Variants in SORCS3 observed in about 807,000 individuals in gnomAD.
SORCS3 encodes the protein sortilin related VPS10 domain containing receptor 3.
A neutral mutation model predicts 146.3 loss-of-function variants in SORCS3; 57 were observed. That is an observed-to-expected ratio of 0.39 (90% CI 0.31 to 0.49). The LOEUF is 0.49. Ranked by LOEUF, SORCS3 falls within the 20% of genes least tolerant of loss-of-function variation. The probability of loss-of-function intolerance (pLI) is 0.92; values close to 1 mark genes in which losing one functional copy is unlikely to be tolerated. For missense variants in SORCS3, 1,341 were observed against 1,575.5 expected, an observed-to-expected ratio of 0.85 and a Z score of 2.52; for synonymous variants, 653 against 618.5, an observed-to-expected ratio of 1.06 and a Z score of -0.83.
intron 2 of SORCS3, among the ~76,000 whole-genome samples, chr10:104,890,749 C>G (rs1052655597): frequency 1.3e-5 from 2 of 152,132 alleles, no homozygotes; most frequent in African/African-American, 4.8e-5. Context: ...TAGGGGATTT[C>G]CTGTGCATCA....
chr10:104,642,985 C>G lies in SORCS3; in HGVS notation c.627+1031C>G, dbSNP rs374183750. ...CCCCCTACCTCGCCGGCACCCAGCGCTGTGCAGCCAAGCAAAGAAAAGGCG... is the reference window on the plus strand; with the variant it reads ...CCCCCTACCTCGCCGGCACCCAGCGGTGTGCAGCCAAGCAAAGAAAAGGCG... On this transcript the variant is annotated intron_variant, in intron 1 of 26. Coordinates refer to ENST00000369701, the MANE Select transcript of SORCS3 (RefSeq NM_014978.3). Among the ~76,000 whole-genome samples the G allele has an allele frequency of 1.9e-3, 286 of 152,380 alleles. 7 individuals carry two copies. In the South Asian group the frequency reaches 0.058, roughly 31 times the overall value.
rs192926954 is a variant in SORCS3, at chr10:104,950,079, G to A, written c.796-27256G>A. ...TAGAAGTCAGGACAATAAGAGATAA[G>A]ATGAGGTTGTGCAAAAAGAAACAGC... On this transcript the variant is annotated intron_variant, in intron 3 of 26. Coordinates refer to ENST00000369701, the MANE Select transcript of SORCS3 (RefSeq NM_014978.3). Among the ~76,000 whole-genome samples the A allele has an allele frequency of 3.9e-5, 6 of 152,340 alleles. No individual in the cohort carries two copies. The East Asian group carries it at 1.2e-3, about 29-fold the overall frequency.
At chr10:105,136,616 T>G (rs2056060573) in intron 7 of SORCS3, among the ~76,000 whole-genome samples, 1 of 152,156 alleles carries the variant, frequency 6.6e-6, no homozygotes, top group African/African-American at 2.4e-5. Flanking sequence ...GTTCAGTAAT[T>G]GAGAGATAGG....
chr10:105,103,213 G>C (rs559189648), intron 6 of SORCS3, among the ~76,000 whole-genome samples: 1 of 152,238 alleles, frequency 6.6e-6, no homozygotes, highest in African/African-American at 2.4e-5. Flanking sequence ...AGTCTCCGCT[G>C]CTCCTCAGAG....
rs554856323 is a variant in SORCS3 at position 105,057,870 on chromosome 10, T to C, written c.1028+14742T>C. Among the ~76,000 whole-genome samples the C allele has an allele frequency of 6.6e-5, 10 of 152,288 alleles. No homozygotes were observed. In the East Asian group the frequency reaches 1.9e-3, roughly 29 times the overall value. The stretch of plus-strand genomic sequence containing the variant: ...CAATCCTCATTGCTTACAAATACAA[T>C]GAGGGACAAAATTCTCATTTAGGAA... On this transcript the variant is annotated intron_variant, in intron 5 of 26. Coordinates refer to ENST00000369701, the MANE Select transcript of SORCS3 (RefSeq NM_014978.3).
At chr10:105,216,250 G>A (rs1422525889) in intron 18 of SORCS3, among the ~76,000 whole-genome samples, 1 of 152,204 alleles carries the variant, frequency 6.6e-6, no homozygotes, top group East Asian at 1.9e-4. Flanking sequence ...GTATTCATCT[G>A]TAGAATGGGA....
rs1281852362 is a variant in SORCS3, at chr10:104,852,329, T to C, written c.695+9470T>C. On this transcript the variant is annotated intron_variant, in intron 2 of 26. Transcript: ENST00000369701. ...CCCCTTTTTCTTGCTGTCATGTTGG[T>C]AAGCATGCTTTCCTGGCCTTACAGA... is the stretch of plus-strand genomic sequence containing the variant. 5.3e-5 allele frequency among the ~76,000 whole-genome samples: 8 copies of C among 152,358 alleles called. No individual in the cohort carries two copies. The East Asian group carries it at 1.3e-3, about 26-fold the overall frequency.
intron 1 of SORCS3, among the ~76,000 whole-genome samples, chr10:104,777,106 C>T (rs1173081597): frequency 6.6e-5 from 10 of 152,198 alleles, no homozygotes; most frequent in African/African-American, 2.4e-4. Context: ...CCTTCTGGGA[C>T]CCCAGAATTA....
At chr10:104,839,151 A>G (rs1342942277) in intron 1 of SORCS3, among the ~76,000 whole-genome samples, 1 of 152,222 alleles carries the variant, frequency 6.6e-6, no homozygotes. Context: ...TGAGCCTGTG[A>G]AGGAGACAGA....
intron 20 of SORCS3, among the ~76,000 whole-genome samples, chr10:105,242,904 A>T (rs1564793947): frequency 1.2e-5 from 1 of 85,402 alleles, no homozygotes; most frequent in African/African-American, 4.9e-5. Context: ...TGATATATAA[A>T]TTATATATAT....
chr10:105,259,171 T>C (rs1349756702), intron 25 of SORCS3, among the ~76,000 whole-genome samples: 1 of 152,178 alleles, frequency 6.6e-6, no homozygotes, highest in Non-Finnish European at 1.5e-5. Context: ...ATCAGTACTG[T>C]TTAATACAGT....
intron 11 of SORCS3, among the ~76,000 whole-genome samples, chr10:105,160,793 A>G (rs1038564989): frequency 6.6e-6 from 1 of 152,248 alleles, no homozygotes; most frequent in African/African-American, 2.4e-5. Flanking sequence ...AATCCGATGC[A>G]TGCACTATGC....
In SORCS3 at chr10:104,940,222, ATATATATATATATATAT is replaced by A. The variant is rs1435344140; in HGVS notation, c.795+24292_795+24308del. ...TTTTCTTTTATATATATATATATATATATATATATATATATATTTTTTTTTTTTTTTTTATTATACTT... is the reference window on the plus strand; with the variant it reads ...TTTTCTTTTATATATATATATATATATTTTTTTTTTTTTTTTATTATACTT... On this transcript the variant is annotated intron_variant, in intron 3 of 26. Transcript: ENST00000369701. Among the ~76,000 whole-genome samples, 7 of 17,008 alleles carry A rather than the reference ATATATATATATATATAT, an allele frequency of 4.1e-4. No individual in the cohort carries two copies. The South Asian group carries it at 0.012, about 28-fold the overall frequency. The allele number at this position is 17,008 out of a possible 152,430, so 11.2% of individuals were successfully genotyped here. A position where few individuals can be genotyped will look rare whatever the true frequency, so the allele number is the denominator to read the frequency against.
chr10:104,737,459 C>A (rs1008091003), intron 1 of SORCS3, among the ~76,000 whole-genome samples: 21 of 152,286 alleles, frequency 1.4e-4, no homozygotes, highest in Middle Eastern at 3.4e-3. Context: ...TGACTTTTTA[C>A]TGATGGCCAT....
At chr10:104,841,086 C>G (rs544986732) in intron 1 of SORCS3, among the ~76,000 whole-genome samples, 1 of 151,978 alleles carries the variant, frequency 6.6e-6, no homozygotes, top group East Asian at 1.9e-4. Context: ...ACCATATATA[C>G]TGATTCAACA....
At chr10:104,926,374 A>G (rs1438888833) in intron 3 of SORCS3, among the ~76,000 whole-genome samples, 1 of 152,222 alleles carries the variant, frequency 6.6e-6, no homozygotes. Context: ...CCAAGCGGCT[A>G]GAGCAGTGTT....
chr10:104,976,675 T>G (rs536346351), intron 3 of SORCS3, among the ~76,000 whole-genome samples: 2,171 of 152,226 alleles, frequency 0.014, 47 homozygotes, highest in African/African-American at 0.049. Flanking sequence ...TGTCCAACAA[T>G]GATAGACTGG....
intron 6 of SORCS3, among the ~76,000 whole-genome samples, chr10:105,091,075 CT>C (rs1302746029): frequency 1.3e-5 from 2 of 151,122 alleles, no homozygotes; most frequent in African/African-American, 4.9e-5. Flanking sequence ...TCCTCCCTCC[CT>C]CCTTCCTTCC....
chr10:105,093,728 G>A (rs976453855), intron 6 of SORCS3, among the ~76,000 whole-genome samples: 1 of 152,038 alleles, frequency 6.6e-6, no homozygotes. Context: ...AAACAAAAAT[G>A]ACAATATCAA....
Sources: gnomAD v4.1 joint callset for allele counts (sites outside exome capture counted in the v4.1 genomes callset) on GRCh38, gnomAD v4.1.1 for gene constraint, MANE v1.5 for transcripts, NCBI Gene and HGNC (gene_info 2026-07-23, HGNC 2026-07-21) for gene names.